The following TRIM3 variants were observed in gnomAD, a reference collection of about 807,000 sequenced individuals.
The protein encoded by TRIM3 is tripartite motif-containing protein 3.
A neutral mutation model predicts 66.6 loss-of-function variants in TRIM3; 13 were observed. The ratio of observed to expected loss-of-function variants is 0.20; its 90% CI spans 0.13 to 0.31. The LOEUF (loss-of-function observed/expected upper bound fraction) is 0.31, where lower values mean the gene tolerates loss of function less well. Among genes scored for constraint, TRIM3 ranks in the 10% least tolerant of loss-of-function variants. The probability of loss-of-function intolerance (pLI) is 1.00; values close to 1 mark genes in which losing one functional copy is unlikely to be tolerated. For missense variants in TRIM3, 711 were observed against 1,020.4 expected, an observed-to-expected ratio of 0.70 and a Z score of 4.13; for synonymous variants, 406 against 411.7, an observed-to-expected ratio of 0.99 and a Z score of 0.17.
At chr11:6,467,070 T>C (rs566017949) in intron 1 of TRIM3, among the ~76,000 whole-genome samples, 1 of 152,286 alleles carries the variant, frequency 6.6e-6, no homozygotes, top group South Asian at 2.1e-4. Flanking sequence ...AGGAATGGAA[T>C]GATAAAACAG....
Position 6,449,451 on chromosome 11 carries a change from C to G in TRIM3, c.1942-5G>C. The G allele has an allele frequency of 6.2e-7, 1 of 1,611,902 alleles. No homozygotes were observed. Among genetic ancestry groups the G allele is most frequent in the Non-Finnish European group, 8.5e-7 (1 of 1,178,698 alleles). ...CTCTCCATCGGCACTGTACACCTGG[C>G]GGGGGAAGGGGCTAGGGACTGGGGA... On this transcript the variant is annotated splice_polypyrimidine_tract_variant and splice_region_variant and intron_variant, in intron 10 of 11. Transcript: ENST00000345851. This position sits in a 1 kb window ranked among gnomAD's most constrained non-coding sequence, Gnocchi z 5.3.
Position 6,456,015 on chromosome 11 carries a change from G to A in TRIM3, c.1533+57C>T, listed in dbSNP as rs1482721154. ...ACCTGTACATTCTATCTTTTCAGTA[G>A]CCTGTAGCTTGAAAACTCTTATTTT... On this transcript the variant is annotated intron_variant, in intron 7 of 11. Transcript: ENST00000345851. The surrounding 1 kb of genome is among the most constrained non-coding windows in gnomAD (Gnocchi z 6.4). 3 of 1,522,690 alleles carry A rather than the reference G, an allele frequency of 2.0e-6. No homozygotes were observed. The highest frequency in any genetic ancestry group is 2.7e-5 in the African/African-American group (2 of 73,136). 94.3% of individuals were successfully genotyped at this position (1,522,690 alleles called of 1,614,324 possible).
chr11:6,454,878 C>T (rs1017972877), intron 7 of TRIM3, among the ~76,000 whole-genome samples: 23 of 152,100 alleles, frequency 1.5e-4, no homozygotes, highest in African/African-American at 5.1e-4. Context: ...GAAGTTTAAA[C>T]GTATAGGTGT....
intron 1 of TRIM3, among the ~76,000 whole-genome samples, chr11:6,472,718 G>A (rs775613549): frequency 6.6e-6 from 1 of 152,170 alleles, no homozygotes; most frequent in Non-Finnish European, 1.5e-5. Context: ...CAAAAGTAAT[G>A]GCAGTAACAA....
chr11:6,464,986 C>CAAAA lies in TRIM3; in HGVS notation c.131+575_131+578dup, dbSNP rs544959608. Among the ~76,000 whole-genome samples the CAAAA allele has an allele frequency of 9.5e-3, 511 of 53,984 alleles. 16 individuals are homozygous for CAAAA. The highest frequency in any genetic ancestry group is 0.025 in the African/African-American group (349 of 13,732). 35.4% of individuals were successfully genotyped at this position (53,984 alleles called of 152,430 possible). A position where few individuals can be genotyped will look rare whatever the true frequency, so the allele number is the denominator to read the frequency against. ...TGGGCAACAGAGCGAGACTCCATCT[C>CAAAA]AAAAAAAAAAAAAAAAAAAAAAAAA... On this transcript the variant is annotated intron_variant, in intron 2 of 11. Transcript: ENST00000345851.
Position 6,456,111 on chromosome 11 carries a change from G to C in TRIM3, c.1494C>G (p.Gly498=), listed in dbSNP as rs1849954668. The part of the protein sequence containing the change: ...NLQGVSAASS[G]RIVVADSNNQ... ...TGTTGCTGTCTGCTACCACGATGCG[G>C]CCGCTGCTGGCTGCGGACACACCTT... The change falls in exon 7 of 12, where the codon GGC becomes GGG. Residue 498 remains glycine (G), a synonymous_variant. Transcript: ENST00000345851. The surrounding 1 kb of genome is among the most constrained non-coding windows in gnomAD (Gnocchi z 6.4). 1 of 1,614,050 alleles carries C rather than the reference G, an allele frequency of 6.2e-7. No individual in the cohort carries two copies. The highest frequency in any genetic ancestry group is 1.7e-5 in the Admixed American group (1 of 60,002).
chr11:6,456,477 G>T lies in TRIM3; in HGVS notation c.1249C>A (p.Arg417Ser). 1 of 1,551,930 alleles carries T rather than the reference G, an allele frequency of 6.4e-7. No individual in the cohort carries two copies. The highest frequency in any genetic ancestry group is 2.3e-5 in the East Asian group (1 of 44,034). The stretch of plus-strand genomic sequence containing the variant: ...GGCAGGTCCCCCGGACGCAGGGCAC[G>T]CACGCGGAAGGGGCTGCCGCGCACT... ...QPVRGSPFRVRALRPGDLPPS... is the reference protein window; with the variant it reads ...QPVRGSPFRVSALRPGDLPPS... Residue 417 changes from arginine (R) to serine (S), a missense_variant, in exon 6 of 12, where the codon CGT becomes AGT. Transcript: ENST00000345851. The surrounding 1 kb of genome is among the most constrained non-coding windows in gnomAD (Gnocchi z 6.4).
intron 2 of TRIM3, among the ~76,000 whole-genome samples, chr11:6,464,097 A>G (rs947803069): frequency 1.3e-5 from 2 of 152,164 alleles, no homozygotes; most frequent in Non-Finnish European, 2.9e-5. Context: ...CCAAGAGAAT[A>G]TTGTCAAAAT....
In TRIM3 at chr11:6,449,760, T is replaced by C. The variant is rs1849644870; in HGVS notation, c.1942-314A>G. The stretch of plus-strand genomic sequence containing the variant: ...TGACTCCAATTTCTTCTCTGTTTGA[T>C]AGGCCAATGAATTAACACAACTCTT... On this transcript the variant is annotated intron_variant, in intron 10 of 11. Transcript: ENST00000345851. This position sits in a 1 kb window ranked among gnomAD's most constrained non-coding sequence, Gnocchi z 5.3. The C allele has an allele frequency of 3.3e-6, 1 of 306,522 alleles. No homozygotes were observed. Among genetic ancestry groups the C allele is most frequent in the Non-Finnish European group, 6.1e-6 (1 of 164,334 alleles). 19.0% of individuals were successfully genotyped at this position (306,522 alleles called of 1,614,324 possible).
chr11:6,459,630 T>C (rs1432844487), intron 2 of TRIM3, among the ~76,000 whole-genome samples: 4 of 152,156 alleles, frequency 2.6e-5, no homozygotes, highest in Admixed American at 1.3e-4. Context: ...ATCATCTAGG[T>C]AGGAAGTGAA....
intron 1 of TRIM3, among the ~76,000 whole-genome samples, chr11:6,469,165 A>G (rs1435546097): frequency 6.6e-6 from 1 of 152,140 alleles, no homozygotes; most frequent in Non-Finnish European, 1.5e-5. Context: ...TGGTGAAGGG[A>G]AAGGCTGGGA....
chr11:6,466,801 T>C (rs1211635943), intron 1 of TRIM3, among the ~76,000 whole-genome samples: 1 of 152,314 alleles, frequency 6.6e-6, no homozygotes, highest in East Asian at 1.9e-4. Context: ...TTGGGTGCTC[T>C]ACCTCTGTGT....
At chr11:6,455,816 T>C (rs1783263389) in intron 7 of TRIM3, among the ~76,000 whole-genome samples, 1 of 152,214 alleles carries the variant, frequency 6.6e-6, no homozygotes, top group Non-Finnish European at 1.5e-5. Context: ...CCCTAAGCCA[T>C]GGCCTACAAA....
At chr11:6,453,474 TCA>T (rs1261918158) in intron 7 of TRIM3, among the ~76,000 whole-genome samples, 2 of 152,130 alleles carry the variant, frequency 1.3e-5, no homozygotes, top group Admixed American at 6.5e-5. Context: ...TTCAGGGATC[TCA>T]CAGTCTAGTG....
In TRIM3 at chr11:6,449,210, G is replaced by A; in HGVS notation, c.2083-30C>T. 6.2e-7 allele frequency: 1 copy of A among 1,610,936 alleles called. No homozygotes were observed. The highest frequency in any genetic ancestry group is 8.5e-7 in the Non-Finnish European group (1 of 1,177,266). ...GGAAGGAGTGCAGAAAGGAGGGAGA[G>A]GCAAGATCAGGCAGATGAGAGTCTG... On this transcript the variant is annotated intron_variant, in intron 11 of 11. Transcript: ENST00000345851. The surrounding 1 kb of genome is among the most constrained non-coding windows in gnomAD (Gnocchi z 5.3).
rs556276373 is a variant in TRIM3, at chr11:6,465,728, A to G, written c.-33T>C. On this transcript the variant is annotated 5_prime_UTR_variant, in exon 2 of 12. Coordinates refer to ENST00000345851, the MANE Select transcript of TRIM3 (RefSeq NM_033278.4). ...ACAGATGGCTCCCGCCACTCACACCAGCCTCTGTATGGAGAGATGGTCAGC... is the reference window on the plus strand; with the variant it reads ...ACAGATGGCTCCCGCCACTCACACCGGCCTCTGTATGGAGAGATGGTCAGC... The G allele has an allele frequency of 6.2e-7, 1 of 1,613,292 alleles. No homozygotes were observed. Among genetic ancestry groups the G allele is most frequent in the African/African-American group, 1.3e-5 (1 of 75,012 alleles).
chr11:6,456,538 G>A lies in TRIM3; in HGVS notation c.1188C>T (p.Gly396=), dbSNP rs778056320. ...AGAGCAGCACCGAGAGGAGCAGCTC[G>A]CCTTCCGTGCGCGCTGTGTACACTA... is the stretch of plus-strand genomic sequence containing the variant. ...YELVYTARTE[G]ELLLSVLLYG... Residue 396 remains glycine, a synonymous_variant, in exon 6 of 12, where the codon GGC becomes GGT. Transcript: ENST00000345851. The surrounding 1 kb of genome is among the most constrained non-coding windows in gnomAD (Gnocchi z 6.4). The A allele has an allele frequency of 1.6e-5, 26 of 1,596,388 alleles. No homozygotes were observed. In the South Asian group the frequency reaches 2.0e-4, roughly 12 times the overall value.
Position 6,448,699 on chromosome 11 carries a change from G to A in TRIM3, c.*329C>T. The A allele has an allele frequency of 1.7e-6, 1 of 597,668 alleles. No individual in the cohort carries two copies. The highest frequency in any genetic ancestry group is 3.0e-6 in the Non-Finnish European group (1 of 334,648). The allele number at this position is 597,668 out of a possible 1,614,324, so 37.0% of individuals were successfully genotyped here. A position where few individuals can be genotyped will look rare whatever the true frequency, so the allele number is the denominator to read the frequency against. On this transcript the variant is annotated 3_prime_UTR_variant, in exon 12 of 12. Coordinates refer to ENST00000345851, the MANE Select transcript of TRIM3 (RefSeq NM_033278.4). ...TAGGGTGGTAGGGAGACAACTAGAG[G>A]GACTCCTGTCCTGGGGTAGGCTGTT...
At position 6,458,315 on chromosome 11, in the gene TRIM3, C is replaced by A. The variant is rs2134187654; in HGVS notation, c.132-19G>T. The A allele has an allele frequency of 6.3e-7, 1 of 1,599,438 alleles. No homozygotes were observed. Among genetic ancestry groups the A allele is most frequent in the South Asian group, 1.1e-5 (1 of 90,248 alleles). ...GAGACATCTGTCCAGGAAGGAGAGT[C>A]AAAGAACAGAGTGGGTGGGGTGGCA... is the stretch of plus-strand genomic sequence containing the variant. On this transcript the variant is annotated intron_variant, in intron 2 of 11. Transcript: ENST00000345851. This position sits in a 1 kb window ranked among gnomAD's most constrained non-coding sequence, Gnocchi z 6.2.
Sources: gnomAD v4.1 joint callset for allele counts (sites outside exome capture counted in the v4.1 genomes callset) on GRCh38, gnomAD v4.1.1 for gene constraint, Gnocchi (gnomAD v3.1) non-coding constraint, MANE v1.5 for transcripts, NCBI Gene and HGNC (gene_info 2026-07-23, HGNC 2026-07-21) for gene names.